DIXDC1: variants seen among roughly 807,000 people sequenced by gnomAD.
The protein encoded by DIXDC1 is DIX domain containing 1.
Under a neutral mutation model 103.1 loss-of-function variants are expected in DIXDC1, and 64 were observed. The observed-to-expected ratio is 0.62, with a 90% CI of 0.51 to 0.76. DIXDC1 has a LOEUF of 0.76. Among genes scored for constraint, DIXDC1 ranks in the 30% least tolerant of loss-of-function variants. The pLI, the probability that DIXDC1 is intolerant of heterozygous loss-of-function variation, is 0.00. For synonymous variants in DIXDC1, 266 were observed against 298.5 expected, an observed-to-expected ratio of 0.89 and a Z score of 1.12; for missense variants, 759 against 834.2, an observed-to-expected ratio of 0.91 and a Z score of 1.11.
chr11:112,017,897 G>C lies in DIXDC1; in HGVS notation c.1971+12G>C. The C allele has an allele frequency of 6.3e-7, 1 of 1,592,672 alleles. No homozygotes were observed. The highest frequency in any genetic ancestry group is 8.6e-7 in the Non-Finnish European group (1 of 1,166,700). Reference sequence around the variant, plus strand: ...CTGTCAAAGAGGAGGTAAAGAATCTGTGGGGAGTCTGTATGGTATTATTGG... The same window carrying C: ...CTGTCAAAGAGGAGGTAAAGAATCTCTGGGGAGTCTGTATGGTATTATTGG... On this transcript the variant is annotated intron_variant, in intron 19 of 19. Coordinates refer to ENST00000440460, the MANE Select transcript of DIXDC1 (RefSeq NM_001037954.4). This position sits in a 1 kb window ranked among gnomAD's most constrained non-coding sequence, Gnocchi z 4.0.
intron 2 of DIXDC1, among the ~76,000 whole-genome samples, chr11:111,966,215 T>G (rs1167875788): frequency 9.3e-5 from 12 of 128,714 alleles, no homozygotes; most frequent in South Asian, 4.8e-4. Flanking sequence ...GGGTTTTTTT[T>G]TTTTTTTTTT....
Position 111,977,324 on chromosome 11 carries a change from C to T in DIXDC1, c.656+2341C>T. The T allele has an allele frequency of 9.5e-7, 1 of 1,047,308 alleles. No homozygotes were observed. Among genetic ancestry groups the T allele is most frequent in the Non-Finnish European group, 1.2e-6 (1 of 869,188 alleles). The allele number at this position is 1,047,308 out of a possible 1,614,324, so 64.9% of individuals were successfully genotyped here. A position where few individuals can be genotyped will look rare whatever the true frequency, so the allele number is the denominator to read the frequency against. ...GCGGGGAGGGATCCGGAAGGTGGCACGGAGTGGGATCGCCGCTGGGGACTC... is the reference window on the plus strand; with the variant it reads ...GCGGGGAGGGATCCGGAAGGTGGCATGGAGTGGGATCGCCGCTGGGGACTC... On this transcript the variant is annotated intron_variant, in intron 5 of 19. Transcript: ENST00000440460. This position sits in a 1 kb window ranked among gnomAD's most constrained non-coding sequence, Gnocchi z 6.1.
rs71461600 is a variant in DIXDC1 at position 111,955,987 on chromosome 11, TACAC to T, written c.61-8529_61-8526del. ...AAAATGTGGTGCATATATATATGTG[TACAC>T]ACACACACACACACACACACACACA... On this transcript the variant is annotated intron_variant, in intron 1 of 19. Transcript: ENST00000440460. Among the ~76,000 whole-genome samples the T allele has an allele frequency of 5.8e-3, 831 of 142,584 alleles. 6 individuals carry two copies. Among genetic ancestry groups the T allele is most frequent in the African/African-American group, 0.014 (534 of 38,452 alleles). The allele number at this position is 142,584 out of a possible 152,430, so 93.5% of individuals were successfully genotyped here. A position where few individuals can be genotyped will look rare whatever the true frequency, so the allele number is the denominator to read the frequency against.
At chr11:111,968,181 A>C (rs1859798977) in intron 2 of DIXDC1, among the ~76,000 whole-genome samples, 1 of 152,182 alleles carries the variant, frequency 6.6e-6, no homozygotes, top group East Asian at 1.9e-4. Flanking sequence ...CTATGAAGGG[A>C]GGGACTTTAT....
intron 17 of DIXDC1, among the ~76,000 whole-genome samples, chr11:112,011,774 C>T (rs782061017): frequency 1.4e-5 from 2 of 142,532 alleles, no homozygotes; most frequent in Non-Finnish European, 3.0e-5. Context: ...GGACACAGGG[C>T]GGGGAACATC....
At position 111,977,412 on chromosome 11, in the gene DIXDC1, C is replaced by G. The variant is rs1004715649; in HGVS notation, c.656+2429C>G. 1 of 1,159,434 alleles carries G rather than the reference C, an allele frequency of 8.6e-7. No homozygotes were observed. Among genetic ancestry groups the G allele is most frequent in the Non-Finnish European group, 1.1e-6 (1 of 939,402 alleles). The allele number at this position is 1,159,434 out of a possible 1,614,324, so 71.8% of individuals were successfully genotyped here. On this transcript the variant is annotated intron_variant, in intron 5 of 19. Transcript: ENST00000440460. This position sits in a 1 kb window ranked among gnomAD's most constrained non-coding sequence, Gnocchi z 6.1. ...TGGGAGATGGGTTGAGATGCCCCCG[C>G]CAGGGGGGATGCCCGGCACCGTGCG...
At position 111,961,089 on chromosome 11, in the gene DIXDC1, T is replaced by C. The variant is rs587684020; in HGVS notation, c.61-3460T>C. Among the ~76,000 whole-genome samples the C allele has an allele frequency of 4.6e-5, 7 of 152,358 alleles. No homozygotes were observed. The South Asian group carries it at 1.0e-3, about 23-fold the overall frequency. On this transcript the variant is annotated intron_variant, in intron 1 of 19. Coordinates refer to ENST00000440460, the MANE Select transcript of DIXDC1 (RefSeq NM_001037954.4). Reference sequence around the variant, plus strand: ...ATCACCAGGAGAGCTTGTTAAGATATAGGCTCTGATTCAGTAGGCTGGGGA... The same window carrying C: ...ATCACCAGGAGAGCTTGTTAAGATACAGGCTCTGATTCAGTAGGCTGGGGA...
rs145048765 is a variant in DIXDC1 at position 111,954,198 on chromosome 11, C to A, written c.61-10351C>A. Among the ~76,000 whole-genome samples the A allele has an allele frequency of 9.0e-3, 1,374 of 152,222 alleles. 12 individuals are homozygous for A. The highest frequency in any genetic ancestry group is 0.03 in the African/African-American group (1,257 of 41,536). ...AGCCCTGAGCTTGTTTTCCTGCAAC[C>A]AGATGGTCCTATCTCGGGGTAATGG... On this transcript the variant is annotated intron_variant, in intron 1 of 19. Transcript: ENST00000440460.
At chr11:111,941,315 C>T (rs940956152) in intron 1 of DIXDC1, among the ~76,000 whole-genome samples, 4 of 152,072 alleles carry the variant, frequency 2.6e-5, no homozygotes, top group Non-Finnish European at 5.9e-5. Flanking sequence ...GAAGAGTGAA[C>T]GTAGGCCCAG....
intron 2 of DIXDC1, among the ~76,000 whole-genome samples, chr11:111,965,236 G>A (rs1859690752): frequency 6.6e-6 from 1 of 152,022 alleles, no homozygotes; most frequent in Admixed American, 6.6e-5. Context: ...ATTCTTACTA[G>A]ATGGTACCAT....
intron 1 of DIXDC1, among the ~76,000 whole-genome samples, chr11:111,950,410 G>GTGTATATATATATATA (rs1966741128): frequency 8.0e-5 from 2 of 25,034 alleles, no homozygotes; most frequent in Admixed American, 8.2e-4. Context: ...TACAAAGTAG[G>GTGTATATATATATATA]TATATATATA....
intron 1 of DIXDC1, among the ~76,000 whole-genome samples, chr11:111,948,640 C>CA (rs1966676491): frequency 6.6e-6 from 1 of 151,114 alleles, no homozygotes; most frequent in Non-Finnish European, 1.5e-5. Context: ...CTTTAGCAGT[C>CA]AGTGTTCTTT....
chr11:111,993,849 T>G, intron 14 of DIXDC1, 109 bp downstream of exon 14: 6 of 1,217,404 alleles, frequency 4.9e-6, no homozygotes, highest in Non-Finnish European at 6.9e-6. Flanking sequence ...TAGGAGGCTC[T>G]ATGATGAGCT....
At chr11:111,973,864 G>A (rs993067284) in intron 3 of DIXDC1, among the ~76,000 whole-genome samples, 159 bp from the exon 4 acceptor site, 1 of 152,038 alleles carries the variant, frequency 6.6e-6, no homozygotes, top group South Asian at 2.1e-4. Context: ...TTATATATTC[G>A]GTCTCCCTTG....
intron 17 of DIXDC1, among the ~76,000 whole-genome samples, chr11:112,006,979 G>T (rs984403098): frequency 1.3e-5 from 2 of 152,158 alleles, no homozygotes; most frequent in Non-Finnish European, 2.9e-5. Context: ...GACAGAAGTC[G>T]GCTTCAGAAG....
At position 112,020,623 on chromosome 11, in the gene DIXDC1, AC is replaced by A. The variant is rs1204267881; in HGVS notation, c.*1591del. On this transcript the variant is annotated 3_prime_UTR_variant, in exon 20 of 20. Transcript: ENST00000440460. ...AGCTTTTATACAGTCTCTTCTTACC[AC>A]CCCTTGTGGTTTCAGAACAAGCTTT... 2 of 151,968 alleles carry A rather than the reference AC, an allele frequency of 1.3e-5. No homozygotes were observed. The highest frequency in any genetic ancestry group is 6.6e-5 in the Admixed American group (1 of 15,258). The allele number at this position is 151,968 out of a possible 1,614,324, so 9.4% of individuals were successfully genotyped here.
At position 112,017,700 on chromosome 11, in the gene DIXDC1, C is replaced by A; in HGVS notation, c.1863-77C>A. ...TCTGCTTATTGACTTTGGCAGGGGG[C>A]TGTGTTTAAAGTTAACATCTTATCT... On this transcript the variant is annotated intron_variant, in intron 18 of 19. Transcript: ENST00000440460. This position sits in a 1 kb window ranked among gnomAD's most constrained non-coding sequence, Gnocchi z 4.0. The A allele has an allele frequency of 8.2e-7, 1 of 1,225,648 alleles. No homozygotes were observed. Among genetic ancestry groups the A allele is most frequent in the Non-Finnish European group, 1.2e-6 (1 of 863,298 alleles). 75.9% of individuals were successfully genotyped at this position (1,225,648 alleles called of 1,614,324 possible). A position where few individuals can be genotyped will look rare whatever the true frequency, so the allele number is the denominator to read the frequency against.
chr11:111,974,244 T>C lies in DIXDC1; in HGVS notation c.538T>C (p.Tyr180His), dbSNP rs1860027218. The C allele has an allele frequency of 1.9e-6, 3 of 1,612,966 alleles. No individual in the cohort carries two copies. The highest frequency in any genetic ancestry group is 1.1e-5 in the South Asian group (1 of 90,764). ...CCGATCAGGACGGGATGTCTTTCGA[T>C]ATAGACAGAGGTAAGGGTAGAAATC... The part of the protein sequence containing the change: ...MSRSGRDVFR[Y>H]RQRNSSMDEE... The change falls in exon 4 of 20, where the codon TAT (tyrosine) becomes CAT (histidine). Residue 180 changes from tyrosine (Y) to histidine (H), a missense_variant. Physicochemically the swap from Tyr to His is moderately conservative, Grantham distance 83 (BLOSUM62 2). Coordinates refer to ENST00000440460, the MANE Select transcript of DIXDC1 (RefSeq NM_001037954.4).
At chr11:111,945,097 G>T (rs1555169244) in intron 1 of DIXDC1, among the ~76,000 whole-genome samples, 2 of 152,150 alleles carry the variant, frequency 1.3e-5, no homozygotes, top group Non-Finnish European at 2.9e-5. Context: ...CCATGGAAAG[G>T]GCAGGGATGC....
Sources: allele counts gnomAD v4.1 joint callset (sites outside exome capture counted in the v4.1 genomes callset), GRCh38; gene constraint gnomAD v4.1.1; non-coding constraint Gnocchi (gnomAD v3.1); transcripts MANE v1.5; gene names NCBI Gene and HGNC (gene_info 2026-07-23, HGNC 2026-07-21).